YAP1: variants seen among roughly 807,000 people sequenced by gnomAD.
YAP1 encodes transcriptional coactivator YAP1.
In YAP1, 5 loss-of-function variants were observed where a neutral mutation model predicts 56.9. The ratio of observed to expected loss-of-function variants is 0.09; its 90% CI spans 0.05 to 0.18. The LOEUF (loss-of-function observed/expected upper bound fraction) is 0.18. Among genes scored for constraint, YAP1 ranks in the 10% least tolerant of loss-of-function variants. YAP1 has a pLI of 1.00. For missense variants in YAP1, 539 were observed against 651.8 expected (o/e 0.83, Z 1.88); for synonymous variants, 265 against 248.1 (o/e 1.07, Z -0.64).
At chr11:102,139,636 C>T (rs1944890737) in intron 2 of YAP1, among the ~76,000 whole-genome samples, 1 of 152,144 alleles carries the variant, frequency 6.6e-6, no homozygotes, top group African/African-American at 2.4e-5. Context: ...TCCCCCATCC[C>T]CTACTCCCTT....
At chr11:102,156,681 G>A (rs1445285071) in intron 2 of YAP1, among the ~76,000 whole-genome samples, 1 of 152,120 alleles carries the variant, frequency 6.6e-6, no homozygotes, top group East Asian at 1.9e-4. Context: ...CTTTTGGGAG[G>A]AATATTCTCA....
intron 6 of YAP1, among the ~76,000 whole-genome samples, chr11:102,210,641 T>A (rs913867495): frequency 6.6e-6 from 1 of 152,258 alleles, no homozygotes; most frequent in Non-Finnish European, 1.5e-5. Context: ...GGGGCACTAA[T>A]ATACCATTTG....
chr11:102,204,930 T>A (rs145024380), intron 4 of YAP1, among the ~76,000 whole-genome samples: 42 of 152,300 alleles, frequency 2.8e-4, no homozygotes, highest in Non-Finnish European at 5.0e-4. Flanking sequence ...TTAGTCAATG[T>A]GTACTAAACA....
intron 4 of YAP1, among the ~76,000 whole-genome samples, chr11:102,191,173 CA>C (rs57596742): frequency 0.95 from 139,869 of 146,472 alleles, 67,001 homozygotes; most frequent in Non-Finnish European, 0.99. Context: ...GACTCCATCT[CA>C]AAAAAAAAAA....
chr11:102,214,941 TTTAAGA>T (rs769311376), intron 6 of YAP1, among the ~76,000 whole-genome samples: 3 of 152,172 alleles, frequency 2.0e-5, no homozygotes, highest in Admixed American at 6.5e-5. Flanking sequence ...TTTTTCAGAG[TTTAAGA>T]TTATCATCTA....
chr11:102,197,467 G>A (rs1948629740), intron 4 of YAP1, among the ~76,000 whole-genome samples: 1 of 152,018 alleles, frequency 6.6e-6, no homozygotes, highest in Non-Finnish European at 1.5e-5. Context: ...TCTAAAAATT[G>A]TCTGAAGTTT....
At chr11:102,114,514 T>G in intron 2 of YAP1, 120 bp downstream of exon 2, 1 of 1,234,118 alleles carries the variant, frequency 8.1e-7, no homozygotes, top group Non-Finnish European at 1.1e-6. Context: ...ATATTTATGT[T>G]AAGCTCTGTA....
At chr11:102,126,878 A>G (rs1944064770) in intron 2 of YAP1, among the ~76,000 whole-genome samples, 1 of 152,218 alleles carries the variant, frequency 6.6e-6, no homozygotes, top group East Asian at 1.9e-4. Context: ...TCTCAGATGG[A>G]AATGAGGAAC....
chr11:102,220,336 T>C (rs1227580511), intron 6 of YAP1, among the ~76,000 whole-genome samples: 5 of 152,072 alleles, frequency 3.3e-5, no homozygotes, highest in African/African-American at 9.7e-5. Flanking sequence ...AAAAAACCAA[T>C]AAGTGGTACT....
chr11:102,171,426 T>A (rs1946891788), intron 3 of YAP1, among the ~76,000 whole-genome samples: 1 of 152,242 alleles, frequency 6.6e-6, no homozygotes, highest in Non-Finnish European at 1.5e-5. Context: ...AATAAGGTTT[T>A]CTTTTGATGT....
intron 2 of YAP1, among the ~76,000 whole-genome samples, chr11:102,125,271 C>T (rs1362573302): frequency 1.3e-5 from 2 of 151,826 alleles, no homozygotes; most frequent in African/African-American, 4.8e-5. Context: ...ATCCACCCAC[C>T]TTGGCCTCCC....
intron 6 of YAP1, among the ~76,000 whole-genome samples, chr11:102,218,001 G>A (rs1246290712): frequency 6.6e-6 from 1 of 152,142 alleles, no homozygotes; most frequent in Non-Finnish European, 1.5e-5. Flanking sequence ...GCACCCGGCT[G>A]AGGATGATTA....
chr11:102,197,509 G>GA (rs35803742), intron 4 of YAP1, among the ~76,000 whole-genome samples: 46,156 of 151,660 alleles, frequency 0.3, 7,335 homozygotes, highest in East Asian at 0.36. Context: ...GAAACTTGGG[G>GA]AAAAAAAACC....
chr11:102,167,770 G>GT (rs1285944032), intron 3 of YAP1, among the ~76,000 whole-genome samples: 1 of 152,144 alleles, frequency 6.6e-6, no homozygotes, highest in Non-Finnish European at 1.5e-5. Context: ...GGGTGTGGTC[G>GT]TTCATGCCTA....
At chr11:102,203,866 A>G (rs1302951842) in intron 4 of YAP1, among the ~76,000 whole-genome samples, 1 of 152,250 alleles carries the variant, frequency 6.6e-6, no homozygotes, top group Non-Finnish European at 1.5e-5. Flanking sequence ...AGTCTTCCAA[A>G]AAAAGATGTA....
intron 5 of YAP1, among the ~76,000 whole-genome samples, chr11:102,207,963 G>C (rs568539207): frequency 6.6e-6 from 1 of 152,212 alleles, no homozygotes; most frequent in Non-Finnish European, 1.5e-5. Flanking sequence ...GTTCCTTGAA[G>C]TTCCTTTATC....
intron 2 of YAP1, among the ~76,000 whole-genome samples, chr11:102,118,485 A>G (rs1175116334): frequency 4.6e-5 from 6 of 129,180 alleles, no homozygotes; most frequent in Admixed American, 2.6e-4. Flanking sequence ...TTTTTTTGAG[A>G]CAGAGTCTTG....
chr11:102,161,386 A>AGG (rs1376020745), intron 2 of YAP1, among the ~76,000 whole-genome samples: 7 of 144,500 alleles, frequency 4.8e-5, no homozygotes, highest in Admixed American at 7.0e-5. Flanking sequence ...ACACACACAC[A>AGG]CTAAACAATT....
chr11:102,164,125 C>A (rs760251140), intron 3 of YAP1, among the ~76,000 whole-genome samples: 1 of 151,772 alleles, frequency 6.6e-6, no homozygotes, highest in Admixed American at 6.6e-5. Flanking sequence ...GCAACCTCTG[C>A]CTCCCAGGTT....
Sources: allele counts gnomAD v4.1 joint callset (sites outside exome capture counted in the v4.1 genomes callset), GRCh38; gene constraint gnomAD v4.1.1; transcripts MANE v1.5; gene names NCBI Gene and HGNC (gene_info 2026-07-23, HGNC 2026-07-21).